ARID3A: variants seen among roughly 807,000 people sequenced by gnomAD.
ARID3A encodes the protein AT-rich interaction domain 3A.
Under a neutral mutation model 52.7 loss-of-function variants are expected in ARID3A, and 11 were observed. That is an observed-to-expected ratio of 0.21 (90% CI 0.13 to 0.35). The LOEUF (loss-of-function observed/expected upper bound fraction) is 0.35, where lower values mean the gene tolerates loss of function less well. ARID3A is among the 10% of genes least tolerant of loss of function. The probability of loss-of-function intolerance (pLI) is 1.00; values close to 1 mark genes in which losing one functional copy is unlikely to be tolerated. For synonymous variants in ARID3A, 404 were observed against 359.4 expected (o/e 1.12, Z -1.40); for missense variants, 721 against 838.5 (o/e 0.86, Z 1.73).
rs1159071468 is a variant in ARID3A, at chr19:973,798, C to G, written c.*1733C>G. 4.4e-6 allele frequency: 1 copy of G among 229,534 alleles called. No individual in the cohort carries two copies. Among genetic ancestry groups the G allele is most frequent in the Non-Finnish European group, 8.6e-6 (1 of 115,760 alleles). The allele number at this position is 229,534 out of a possible 1,614,324, so 14.2% of individuals were successfully genotyped here. On this transcript the variant is annotated 3_prime_UTR_variant, in exon 9 of 9. Coordinates refer to ENST00000263620, the MANE Select transcript of ARID3A (RefSeq NM_005224.3). ...CACCCTGTGGGTCAGTACCCCTCCC[C>G]CTGGCTTGGAGAAAGTGGGGTCACC...
rs945415215 is a variant in ARID3A, at chr19:938,756, C to T, written c.693+6014C>T. On this transcript the variant is annotated intron_variant, in intron 3 of 8. Coordinates refer to ENST00000263620, the MANE Select transcript of ARID3A (RefSeq NM_005224.3). This position sits in a 1 kb window ranked among gnomAD's most constrained non-coding sequence, Gnocchi z 4.0. The stretch of plus-strand genomic sequence containing the variant: ...TCAAGGCCAGACACACCTCGCTGGG[C>T]CCAGCCCCAGAGACCGCTGGGTCCT... 2.0e-5 allele frequency among the ~76,000 whole-genome samples: 3 copies of T among 152,104 alleles called. No homozygotes were observed. The highest frequency in any genetic ancestry group is 4.8e-5 in the African/African-American group (2 of 41,420).
In ARID3A at chr19:968,522, C is replaced by T. The variant is rs373835356; in HGVS notation, c.1594+19C>T. 2.7e-5 allele frequency: 43 copies of T among 1,609,512 alleles called. No individual in the cohort carries two copies. The highest frequency in any genetic ancestry group is 1.5e-4 in the Admixed American group (9 of 59,896). ...TACACAGGTAGGACCCCTGAGGCCA[C>T]GCCCTGCCTGGACCTCGCCTCTCCC... On this transcript the variant is annotated intron_variant, in intron 8 of 8. Coordinates refer to ENST00000263620, the MANE Select transcript of ARID3A (RefSeq NM_005224.3).
chr19:928,445 A>C (rs1029056192), intron 1 of ARID3A: 1 of 151,968 alleles, frequency 6.6e-6, no homozygotes, highest in African/African-American at 2.4e-5. Context: ...CATCTGGCCC[A>C]CTCGGGATCC....
chr19:957,338 G>T (rs938170397), intron 3 of ARID3A, among the ~76,000 whole-genome samples: 2 of 152,184 alleles, frequency 1.3e-5, no homozygotes, highest in Admixed American at 1.3e-4. Context: ...GCAGGGCGGG[G>T]CTCTGGGCCA....
In ARID3A at chr19:964,193, C is replaced by G. The variant is rs564082993; in HGVS notation, c.767-55C>G. On this transcript the variant is annotated intron_variant, in intron 4 of 8. Transcript: ENST00000263620. The surrounding 1 kb of genome is among the most constrained non-coding windows in gnomAD (Gnocchi z 5.7). ...TGGAGAGGGCGGAGGCCAGGACACTCGGCTCCCTGCAGTGCCCAGGTGGCC... is the reference window on the plus strand; with the variant it reads ...TGGAGAGGGCGGAGGCCAGGACACTGGGCTCCCTGCAGTGCCCAGGTGGCC... 1 of 1,481,912 alleles carries G rather than the reference C, an allele frequency of 6.7e-7. No homozygotes were observed. The highest frequency in any genetic ancestry group is 9.3e-7 in the Non-Finnish European group (1 of 1,079,966). 91.8% of individuals were successfully genotyped at this position (1,481,912 alleles called of 1,614,324 possible). A position where few individuals can be genotyped will look rare whatever the true frequency, so the allele number is the denominator to read the frequency against.
chr19:929,703 A>T lies in ARID3A; in HGVS notation c.175A>T (p.Met59Leu). 1.3e-6 allele frequency: 2 copies of T among 1,565,100 alleles called. No homozygotes were observed. The highest frequency in any genetic ancestry group is 1.7e-6 in the Non-Finnish European group (2 of 1,163,786). The change falls in exon 2 of 9, where the codon ATG becomes TTG. Residue 59 changes from methionine to leucine, a missense_variant. By Grantham distance (15) the Met-to-Leu change is conservative. Coordinates refer to ENST00000263620, the MANE Select transcript of ARID3A (RefSeq NM_005224.3). This position sits in a 1 kb window ranked among gnomAD's most constrained non-coding sequence, Gnocchi z 6.2. ...GAGTGCCCGGATGCAGCGGGCTCAG[A>T]TGGCCGCACTGGCAGCCATGCGGGC... ...PESARMQRAQMAALAAMRAAA... is the reference protein window; with the variant it reads ...PESARMQRAQLAALAAMRAAA...
rs56404084 is a variant in ARID3A, at chr19:973,104, ATTTTTTTTT to A, written c.*1052_*1060del. The A allele has an allele frequency of 9.3e-5, 5 of 53,660 alleles. No homozygotes were observed. The highest frequency in any genetic ancestry group is 2.8e-4 in the African/African-American group (4 of 14,244). 3.3% of individuals were successfully genotyped at this position (53,660 alleles called of 1,614,324 possible). A position where few individuals can be genotyped will look rare whatever the true frequency, so the allele number is the denominator to read the frequency against. ...GGGCTCTCGAGTCAGGGGCCTGGAAATTTTTTTTTTTTTTTTTTTTTGAGACGGAGTTTT... is the reference window on the plus strand; with the variant it reads ...GGGCTCTCGAGTCAGGGGCCTGGAAATTTTTTTTTTTTGAGACGGAGTTTT... On this transcript the variant is annotated 3_prime_UTR_variant, in exon 9 of 9. Transcript: ENST00000263620.
At chr19:925,779 A>G (rs1195219358), upstream of ARID3A, 1 of 150,246 alleles carries the variant, frequency 6.7e-6, no homozygotes, top group South Asian at 2.1e-4. Flanking sequence ...ATTTCCGTCC[A>G]CTCTGCCCGG....
intron 2 of ARID3A, among the ~76,000 whole-genome samples, chr19:930,698 A>ATGG (rs2037305062): frequency 6.7e-6 from 1 of 150,214 alleles, no homozygotes; most frequent in Non-Finnish European, 1.5e-5. Context: ...TTTAGTAGAG[A>ATGG]CGGGGTTTCA....
Position 941,384 on chromosome 19 carries a change from C to T in ARID3A, c.693+8642C>T, listed in dbSNP as rs1661964720. 6.6e-6 allele frequency among the ~76,000 whole-genome samples: 1 copy of T among 152,238 alleles called. No homozygotes were observed. Among genetic ancestry groups the T allele is most frequent in the Admixed American group, 6.5e-5 (1 of 15,292 alleles). On this transcript the variant is annotated intron_variant, in intron 3 of 8. Transcript: ENST00000263620. This position sits in a 1 kb window ranked among gnomAD's most constrained non-coding sequence, Gnocchi z 6.9. The stretch of plus-strand genomic sequence containing the variant: ...CTGCCCACCGGGCACCTGCTGGATT[C>T]TGTGGGTCTCGTGTGTGGGGCTGTG...
chr19:974,887 G>A lies in ARID3A; in HGVS notation c.*2822G>A, dbSNP rs1006968677. The A allele has an allele frequency of 1.3e-5, 3 of 226,356 alleles. No homozygotes were observed. Among genetic ancestry groups the A allele is most frequent in the East Asian group, 1.2e-4 (2 of 16,022 alleles). 14.0% of individuals were successfully genotyped at this position (226,356 alleles called of 1,614,324 possible). On this transcript the variant is annotated 3_prime_UTR_variant, in exon 9 of 9. Coordinates refer to ENST00000263620, the MANE Select transcript of ARID3A (RefSeq NM_005224.3). ...GGCGGGGTGGGTGGGGGGTGGGCGCGAGGCTGGGTCCCGGCCCAGGAGAAG... is the reference window on the plus strand; with the variant it reads ...GGCGGGGTGGGTGGGGGGTGGGCGCAAGGCTGGGTCCCGGCCCAGGAGAAG...
intron 8 of ARID3A, 40 bp downstream of exon 8, chr19:968,543 C>T: frequency 1.9e-6 from 3 of 1,587,706 alleles, no homozygotes; most frequent in East Asian, 2.2e-5. Context: ...GACCTCGCCT[C>T]TCCCGCCGCC....
intron 3 of ARID3A, among the ~76,000 whole-genome samples, chr19:952,925 CT>C (rs2037833514): frequency 6.6e-6 from 1 of 152,052 alleles, no homozygotes; most frequent in South Asian, 2.1e-4. Flanking sequence ...CATAGCCCCC[CT>C]GTGACCTTGG....
At chr19:968,656 C>A in intron 8 of ARID3A, 153 bp downstream of exon 8, 2 of 644,482 alleles carry the variant, frequency 3.1e-6, no homozygotes, top group Admixed American at 2.8e-5. Flanking sequence ...ACAGTCAAGA[C>A]TGATGGAGAG....
At chr19:953,087 G>A (rs903603330) in intron 3 of ARID3A, among the ~76,000 whole-genome samples, 28 of 151,986 alleles carry the variant, frequency 1.8e-4, no homozygotes, top group African/African-American at 6.0e-4. Context: ...TCCCAGAGCC[G>A]GTGGGCTGGG....
chr19:971,949 G>GCGGCA lies in ARID3A; in HGVS notation c.1666_1667insCGGCA (p.Gly556AlafsTer110). ...CAACAAAGGAGGCGGCGGCGGCGGCGGCAGCAGCAGCAACGCAGGCGGCCG... is the reference window on the plus strand; with the variant it reads ...CAACAAAGGAGGCGGCGGCGGCGGCGCGGCAGCAGCAGCAGCAACGCAGGCGGCCG... On this transcript the variant is annotated frameshift_variant, in exon 9 of 9. Transcript: ENST00000263620. LOFTEE classifies it low-confidence loss of function (END_TRUNC). 1.3e-6 allele frequency: 2 copies of GCGGCA among 1,580,712 alleles called. No homozygotes were observed. Among genetic ancestry groups the GCGGCA allele is most frequent in the East Asian group, 2.4e-5 (1 of 42,476 alleles).
chr19:934,778 CT>C (rs1005087174), intron 3 of ARID3A, among the ~76,000 whole-genome samples: 2 of 151,954 alleles, frequency 1.3e-5, no homozygotes, highest in South Asian at 2.1e-4. Context: ...AGTCCTGTGA[CT>C]TTTTTTTCTC....
chr19:974,595 C>T lies in ARID3A; in HGVS notation c.*2530C>T, dbSNP rs1477454051. The T allele has an allele frequency of 4.3e-6, 1 of 229,916 alleles. No homozygotes were observed. The highest frequency in any genetic ancestry group is 6.1e-5 in the East Asian group (1 of 16,304). 14.2% of individuals were successfully genotyped at this position (229,916 alleles called of 1,614,324 possible). A position where few individuals can be genotyped will look rare whatever the true frequency, so the allele number is the denominator to read the frequency against. ...GTGCCTCTCCCCCGCCTCCCGTGCA[C>T]CAGGGTCTGCAGCAGCCACTGGGGC... On this transcript the variant is annotated 3_prime_UTR_variant, in exon 9 of 9. Transcript: ENST00000263620.
At position 929,363 on chromosome 19, in the gene ARID3A, G is replaced by GGGCCCCC; in HGVS notation, c.-166_-165insGGCCCCC. The stretch of plus-strand genomic sequence containing the variant: ...ATCAGCCTTCAGCTTGAGCCCGGCG[G>GGGCCCCC]CCCCCGCCCCCGCCCCCTGCCACCC... On this transcript the variant is annotated 5_prime_UTR_variant, in exon 2 of 9. Coordinates refer to ENST00000263620, the MANE Select transcript of ARID3A (RefSeq NM_005224.3). The surrounding 1 kb of genome is among the most constrained non-coding windows in gnomAD (Gnocchi z 6.2). 27 of 259,256 alleles carry GGGCCCCC rather than the reference G, an allele frequency of 1.0e-4. No individual in the cohort carries two copies. Among genetic ancestry groups the GGGCCCCC allele is most frequent in the Non-Finnish European group, 1.4e-4 (21 of 151,224 alleles). The allele number at this position is 259,256 out of a possible 1,614,324, so 16.1% of individuals were successfully genotyped here. A position where few individuals can be genotyped will look rare whatever the true frequency, so the allele number is the denominator to read the frequency against.
Sources: allele counts gnomAD v4.1 joint callset (sites outside exome capture counted in the v4.1 genomes callset), GRCh38; gene constraint gnomAD v4.1.1; non-coding constraint Gnocchi (gnomAD v3.1); transcripts MANE v1.5; gene names NCBI Gene and HGNC (gene_info 2026-07-23, HGNC 2026-07-21).